The following VWA3B variants were observed in gnomAD, a reference collection of about 807,000 sequenced individuals.
VWA3B encodes von Willebrand factor A domain-containing protein 3B.
VWA3B carries 138 observed loss-of-function variants against 158.3 expected under a neutral mutation model. That is an observed-to-expected ratio of 0.87 (90% CI 0.76 to 1.00). The LOEUF (loss-of-function observed/expected upper bound fraction) is 1.00, where lower values mean the gene tolerates loss of function less well. Ranked by LOEUF, VWA3B falls within the 50% of genes least tolerant of loss-of-function variation. The probability of loss-of-function intolerance (pLI) is 0.00; values close to 1 mark genes in which losing one functional copy is unlikely to be tolerated. For missense variants in VWA3B, 1,555 were observed against 1,565.1 expected (o/e 0.99, Z 0.11); for synonymous variants, 596 against 587.3 (o/e 1.01, Z -0.21).
intron 7 of VWA3B, among the ~76,000 whole-genome samples, chr2:98,136,452 C>G (rs1169354015): frequency 3.9e-5 from 6 of 152,148 alleles, no homozygotes; most frequent in Non-Finnish European, 8.8e-5. Context: ...TTATTGCTCA[C>G]AGTTCTGGAG....
At chr2:98,314,703 A>T (rs1393358724), downstream of VWA3B, among the ~76,000 whole-genome samples, 1 of 152,220 alleles carries the variant, frequency 6.6e-6, no homozygotes, top group Non-Finnish European at 1.5e-5. Context: ...CAGGCATGAA[A>T]AACAGCAAGA....
intron 7 of VWA3B, among the ~76,000 whole-genome samples, chr2:98,143,990 C>T (rs549856235): frequency 3.0e-4 from 45 of 151,986 alleles, no homozygotes; most frequent in Non-Finnish European, 6.0e-4. Flanking sequence ...TGGCCTCAAG[C>T]AATCCCCCCA....
chr2:98,301,984 G>A (rs1382704134), intron 25 of VWA3B, among the ~76,000 whole-genome samples: 1 of 151,886 alleles, frequency 6.6e-6, no homozygotes, highest in Admixed American at 6.6e-5. Context: ...ATCAGTTTAC[G>A]AAACTGATGA....
At chr2:98,174,025 C>T (rs1004658788) in intron 8 of VWA3B, among the ~76,000 whole-genome samples, 8 of 152,002 alleles carry the variant, frequency 5.3e-5, no homozygotes, top group Non-Finnish European at 8.8e-5. Flanking sequence ...AATTATATTT[C>T]GTGTATTTGG....
At chr2:98,114,679 A>G (rs1450732294) in intron 2 of VWA3B, among the ~76,000 whole-genome samples, 1 of 152,226 alleles carries the variant, frequency 6.6e-6, no homozygotes, top group Non-Finnish European at 1.5e-5. Context: ...CATCCGATAA[A>G]AAACATCTCT....
rs895089787 is a variant in VWA3B, at chr2:98,175,110, A to G, written c.1115-5906A>G. Among the ~76,000 whole-genome samples the G allele has an allele frequency of 2.0e-5, 3 of 152,360 alleles. No individual in the cohort carries two copies. In the South Asian group the frequency reaches 6.2e-4, roughly 32 times the overall value. ...AAAATGTCCAGTTGTCAACAACAAC[A>G]AAAATGAGGCATGCAAAGAAATAAA... On this transcript the variant is annotated intron_variant, in intron 8 of 27. Transcript: ENST00000477737.
At chr2:98,179,697 CTT>C (rs1270161183) in intron 8 of VWA3B, among the ~76,000 whole-genome samples, 1 of 151,288 alleles carries the variant, frequency 6.6e-6, no homozygotes, top group Non-Finnish European at 1.5e-5. Flanking sequence ...CTCTTCCTTT[CTT>C]TTTCTTTCTT....
Position 98,256,613 on chromosome 2 carries a change from C to T in VWA3B, c.2843+439C>T, listed in dbSNP as rs180768456. 7.2e-4 allele frequency among the ~76,000 whole-genome samples: 109 copies of T among 152,228 alleles called. No individual in the cohort carries two copies. The Middle Eastern group carries it at 0.01, about 14-fold the overall frequency. ...CACTGACGGGCATTTGGGTTGCTTC[C>T]GCTTTTTCGCTATCATGAACTATGT... is the stretch of plus-strand genomic sequence containing the variant. On this transcript the variant is annotated intron_variant, in intron 21 of 27. Transcript: ENST00000477737.
rs116533062 is a variant in VWA3B, at chr2:98,242,323, G to A, written c.2673+5593G>A. 1.5e-3 allele frequency: 673 copies of A among 455,994 alleles called. 10 individuals are homozygous for A. Among genetic ancestry groups the A allele is most frequent in the African/African-American group, 0.012 (579 of 50,064 alleles). 28.2% of individuals were successfully genotyped at this position (455,994 alleles called of 1,614,324 possible). A position where few individuals can be genotyped will look rare whatever the true frequency, so the allele number is the denominator to read the frequency against. On this transcript the variant is annotated intron_variant, in intron 19 of 27. Transcript: ENST00000477737. ...GGTATTGAGCAAAGAGGTTGCCCTA[G>A]CAACTCTTCATTACAAGATGCAAAA...
At chr2:98,103,336 G>C (rs1203998308) in intron 2 of VWA3B, among the ~76,000 whole-genome samples, 1 of 151,910 alleles carries the variant, frequency 6.6e-6, no homozygotes, top group Non-Finnish European at 1.5e-5. Context: ...CTTTGAGCTT[G>C]ATTTGCATTC....
intron 23 of VWA3B, among the ~76,000 whole-genome samples, chr2:98,296,415 G>A: frequency 6.6e-6 from 1 of 151,336 alleles, no homozygotes; most frequent in East Asian, 1.9e-4. Flanking sequence ...TGGTAGAAAT[G>A]TGTGAATAAT....
intron 4 of VWA3B, 31 bp from the exon 5 acceptor site, chr2:98,121,268 C>T (rs1469100657): frequency 6.2e-7 from 1 of 1,601,914 alleles, no homozygotes; most frequent in Admixed American, 1.7e-5. Context: ...CTGATCACTG[C>T]CCAGTGACCA....
At chr2:98,163,651 TGGACAAGTGGGGATTCATAGCCAA>T (rs1678832258) in intron 8 of VWA3B, among the ~76,000 whole-genome samples, 1 of 152,094 alleles carries the variant, frequency 6.6e-6, no homozygotes, top group Non-Finnish European at 1.5e-5. Context: ...GAGTACAACA[TGGACAAGTGGGGATTCATAGCCAA>T]GGTCAGGGGG....
intron 26 of VWA3B, among the ~76,000 whole-genome samples, chr2:98,308,518 G>A (rs1419093724): frequency 1.3e-5 from 2 of 152,240 alleles, no homozygotes; most frequent in Non-Finnish European, 2.9e-5. Context: ...CAGAACAGAG[G>A]GATTTTCCTC....
intron 22 of VWA3B, among the ~76,000 whole-genome samples, chr2:98,271,886 A>G (rs1163430972): frequency 2.6e-5 from 4 of 152,218 alleles, no homozygotes; most frequent in Admixed American, 2.0e-4. Flanking sequence ...CCCAGAGTTC[A>G]TGTGTTGGAA....
intron 7 of VWA3B, among the ~76,000 whole-genome samples, chr2:98,140,215 A>T (rs917521701): frequency 1.3e-5 from 2 of 152,238 alleles, no homozygotes; most frequent in African/African-American, 4.8e-5. Context: ...TCTTGAAGTC[A>T]GTGAGACCAA....
intron 8 of VWA3B, among the ~76,000 whole-genome samples, chr2:98,179,678 T>C (rs891134874): frequency 6.6e-6 from 1 of 152,134 alleles, no homozygotes; most frequent in Non-Finnish European, 1.5e-5. Context: ...TTCTTTTCTT[T>C]CTTTCTTTCT....
intron 8 of VWA3B, among the ~76,000 whole-genome samples, chr2:98,168,978 G>C (rs560256179): frequency 2.0e-5 from 3 of 152,114 alleles, no homozygotes; most frequent in Non-Finnish European, 4.4e-5. Flanking sequence ...TAGACCCAGA[G>C]ATCCAAGAAG....
At chr2:98,255,790 T>C (rs1339227812) in intron 20 of VWA3B, among the ~76,000 whole-genome samples, 1 of 152,156 alleles carries the variant, frequency 6.6e-6, no homozygotes, top group Non-Finnish European at 1.5e-5. Flanking sequence ...AGCACAGTTA[T>C]GTTCCCGTAA....
Sources: allele counts gnomAD v4.1 joint callset (sites outside exome capture counted in the v4.1 genomes callset), GRCh38; gene constraint gnomAD v4.1.1; transcripts MANE v1.5; gene names NCBI Gene and HGNC (gene_info 2026-07-23, HGNC 2026-07-21).